CSMD1: variants seen among roughly 807,000 people sequenced by gnomAD.
CSMD1 encodes CUB and Sushi multiple domains 1.
CSMD1 carries 213 observed loss-of-function variants against 417.5 expected under a neutral mutation model. The ratio of observed to expected loss-of-function variants is 0.51; its 90% CI spans 0.46 to 0.57. The LOEUF (loss-of-function observed/expected upper bound fraction) is 0.57. CSMD1 is among the 20% of genes least tolerant of loss of function. CSMD1 has a pLI of 0.00. For synonymous variants in CSMD1, 2,862 were observed against 1,736.8 expected, an observed-to-expected ratio of 1.65 and a Z score of -16.11; for missense variants, 6,923 against 4,529.7, an observed-to-expected ratio of 1.53 and a Z score of -15.17.
chr8:4,538,591 C>T (rs1035426724), intron 2 of CSMD1, among the ~76,000 whole-genome samples: 21 of 151,840 alleles, frequency 1.4e-4, no homozygotes, highest in African/African-American at 3.4e-4. Context: ...TGCAGTGAGC[C>T]GAGATCGCAC....
At chr8:4,812,342 A>C (rs528526450) in intron 1 of CSMD1, among the ~76,000 whole-genome samples, 1 of 152,330 alleles carries the variant, frequency 6.6e-6, no homozygotes, top group East Asian at 1.9e-4. Context: ...AGATGCTTCC[A>C]GTCTTTTTGG....
At chr8:4,735,269 T>C (rs1810156594) in intron 1 of CSMD1, among the ~76,000 whole-genome samples, 1 of 152,160 alleles carries the variant, frequency 6.6e-6, no homozygotes, top group African/African-American at 2.4e-5. Flanking sequence ...CCTAAGGTCT[T>C]CTCATTTAGA....
intron 50 of CSMD1, among the ~76,000 whole-genome samples, chr8:3,038,925 C>G (rs777807910): frequency 2.4e-4 from 36 of 152,172 alleles, no homozygotes; most frequent in Non-Finnish European, 4.4e-4. Flanking sequence ...TAAAAACCAG[C>G]AGTTGGCATC....
chr8:3,953,494 T>G (rs887173136), intron 5 of CSMD1, among the ~76,000 whole-genome samples: 5 of 151,990 alleles, frequency 3.3e-5, no homozygotes, highest in African/African-American at 9.7e-5. Flanking sequence ...TGGGCTGAGT[T>G]TGGGGGTTTC....
chr8:4,744,785 T>G (rs530744705), intron 1 of CSMD1, among the ~76,000 whole-genome samples: 18 of 152,174 alleles, frequency 1.2e-4, no homozygotes, highest in Non-Finnish European at 2.2e-4. Flanking sequence ...TTGTAGAATT[T>G]CTTCATTAAC....
chr8:4,699,477 T>A (rs779674358), intron 1 of CSMD1, among the ~76,000 whole-genome samples: 22 of 152,180 alleles, frequency 1.4e-4, no homozygotes, highest in Non-Finnish European at 2.6e-4. Context: ...CCCAAATCCA[T>A]CTGTGCTAAT....
intron 26 of CSMD1, among the ~76,000 whole-genome samples, chr8:3,255,659 C>T (rs2117057076): frequency 6.6e-6 from 1 of 152,326 alleles, no homozygotes; most frequent in East Asian, 1.9e-4. Context: ...GCGTAGGACC[C>T]TCTGAGCCAT....
chr8:3,647,559 A>C (rs1187024265), intron 7 of CSMD1, among the ~76,000 whole-genome samples: 1 of 152,236 alleles, frequency 6.6e-6, no homozygotes, highest in Admixed American at 6.5e-5. Flanking sequence ...ATACAGCATA[A>C]AGAGAAATAC....
intron 1 of CSMD1, among the ~76,000 whole-genome samples, chr8:4,947,570 G>C (rs1338622284): frequency 2.0e-5 from 3 of 152,036 alleles, no homozygotes; most frequent in Admixed American, 1.3e-4. Context: ...AAATTAACTT[G>C]TATGAAAAAT....
chr8:4,950,117 G>T (rs200451274), intron 1 of CSMD1, among the ~76,000 whole-genome samples: 5,168 of 137,808 alleles, frequency 0.038, 286 homozygotes, highest in African/African-American at 0.13. Context: ...TGTTTCATAT[G>T]ATAAGATTTT....
chr8:3,601,687 C>A lies in CSMD1; in HGVS notation c.1097+15023G>T, dbSNP rs117517086. 5.2e-3 allele frequency among the ~76,000 whole-genome samples: 797 copies of A among 152,296 alleles called. 7 individuals are homozygous for A. Among genetic ancestry groups the A allele is most frequent in the Non-Finnish European group, 7.2e-3 (493 of 68,030 alleles). On this transcript the variant is annotated intron_variant, in intron 8 of 69. Coordinates refer to ENST00000635120, the MANE Select transcript of CSMD1 (RefSeq NM_033225.6). ...AGCCTGTGAAATCATTGGTAATATG[C>A]AGAAGAGTTATCAACTATAGGAACA...
intron 1 of CSMD1, among the ~76,000 whole-genome samples, chr8:4,701,824 G>A (rs1223856228): frequency 1.3e-5 from 2 of 152,122 alleles, no homozygotes; most frequent in Admixed American, 6.6e-5. Flanking sequence ...TATTTACTCT[G>A]GATGAAGAAT....
chr8:4,763,775 T>C (rs10101591), intron 1 of CSMD1, among the ~76,000 whole-genome samples: 1,897 of 152,298 alleles, frequency 0.012, 27 homozygotes, highest in African/African-American at 0.043. Flanking sequence ...CGTTTCTAAC[T>C]ATATGTTAAC....
At chr8:4,874,139 T>A (rs774337615) in intron 1 of CSMD1, among the ~76,000 whole-genome samples, 2 of 152,090 alleles carry the variant, frequency 1.3e-5, no homozygotes, top group Non-Finnish European at 2.9e-5. Flanking sequence ...GATAGATAAC[T>A]TTATCTTTTT....
intron 5 of CSMD1, among the ~76,000 whole-genome samples, chr8:3,824,828 G>A (rs1158549725): frequency 6.6e-6 from 1 of 151,926 alleles, no homozygotes; most frequent in African/African-American, 2.4e-5. Flanking sequence ...ATTGAAAAAA[G>A]GATTTCAATA....
chr8:4,274,245 T>C (rs1343150116), intron 3 of CSMD1, among the ~76,000 whole-genome samples: 2 of 152,138 alleles, frequency 1.3e-5, no homozygotes. Context: ...AATCAGCATT[T>C]TATTAACACT....
chr8:4,062,105 T>C (rs527541669), intron 3 of CSMD1, among the ~76,000 whole-genome samples: 1 of 152,074 alleles, frequency 6.6e-6, no homozygotes, highest in South Asian at 2.1e-4. Flanking sequence ...TCACAGAGAA[T>C]GCATGGAGGG....
At chr8:4,305,859 C>A (rs1798214056) in intron 3 of CSMD1, among the ~76,000 whole-genome samples, 2 of 152,094 alleles carry the variant, frequency 1.3e-5, no homozygotes, top group South Asian at 4.2e-4. Flanking sequence ...GGATCCCCTT[C>A]CAGTCTTTGC....
At chr8:3,435,263 G>A (rs1002620193) in intron 12 of CSMD1, among the ~76,000 whole-genome samples, 4 of 152,138 alleles carry the variant, frequency 2.6e-5, no homozygotes, top group South Asian at 4.1e-4. Flanking sequence ...GTTAATATGT[G>A]TTTTCACTGC....
Sources: gnomAD v4.1 joint callset for allele counts (sites outside exome capture counted in the v4.1 genomes callset) on GRCh38, gnomAD v4.1.1 for gene constraint, MANE v1.5 for transcripts, NCBI Gene and HGNC (gene_info 2026-07-23, HGNC 2026-07-21) for gene names.